The following GTF2B variants were observed in gnomAD, a reference collection of about 807,000 sequenced individuals.
GTF2B encodes the protein transcription initiation factor IIB.
GTF2B carries 20 observed loss-of-function variants against 34.6 expected under a neutral mutation model. The ratio of observed to expected loss-of-function variants is 0.58; its 90% confidence interval spans 0.41 to 0.84. The LOEUF (loss-of-function observed/expected upper bound fraction) is 0.84. Ranked by LOEUF, GTF2B falls within the 40% of genes least tolerant of loss-of-function variation. GTF2B has a pLI of 0.00. For synonymous variants in GTF2B, 142 were observed against 132.4 expected (o/e 1.07, Z -0.50); for missense variants, 237 against 393.3 (o/e 0.60, Z 3.36).
intron 3 of GTF2B, among the ~76,000 whole-genome samples, chr1:88,863,194 T>C (rs552203545): frequency 1.3e-5 from 2 of 152,256 alleles, no homozygotes; most frequent in African/African-American, 4.8e-5. Context: ...TACATTCTCA[T>C]GAAACCCTCA....
At chr1:88,888,387 G>A (rs1674123998) in intron 1 of GTF2B, among the ~76,000 whole-genome samples, 1 of 152,114 alleles carries the variant, frequency 6.6e-6, no homozygotes, top group East Asian at 1.9e-4. Flanking sequence ...AGCTTAACTA[G>A]AATATGTCTT....
chr1:88,872,298 A>T (rs1044430100), intron 2 of GTF2B, among the ~76,000 whole-genome samples: 2 of 151,730 alleles, frequency 1.3e-5, no homozygotes, highest in African/African-American at 2.4e-5. Flanking sequence ...TACTAAAAAT[A>T]CGAAATTAGA....
Position 88,860,170 on chromosome 1 carries a change from T to C in GTF2B, c.375A>G (p.Ala125=). 6.2e-7 allele frequency: 1 copy of C among 1,614,102 alleles called. No homozygotes were observed. Among genetic ancestry groups the C allele is most frequent in the Non-Finnish European group, 8.5e-7 (1 of 1,179,932 alleles). Residue 125 remains alanine (A), a synonymous_variant, in exon 4 of 7, where the codon GCA becomes GCG. Transcript: ENST00000370500. Reference sequence around the variant, plus strand: ...TATTTCGAGGTAGATTGATTCTGTCTGCCATGGTAGTGATTTCTTTGAATG... The same window carrying C: ...TATTTCGAGGTAGATTGATTCTGTCCGCCATGGTAGTGATTTCTTTGAATG... ...MNAFKEITTM[A]DRINLPRNIV...
intron 1 of GTF2B, chr1:88,887,700 C>A: frequency 3.8e-6 from 1 of 263,642 alleles, no homozygotes; most frequent in Non-Finnish European, 7.4e-6. Context: ...ACCGTAATAA[C>A]CTGCAGCATT....
At chr1:88,861,548 C>T (rs747930325) in intron 3 of GTF2B, among the ~76,000 whole-genome samples, 35 of 152,184 alleles carry the variant, frequency 2.3e-4, no homozygotes, top group Middle Eastern at 3.2e-3. Context: ...CCTGCAATCC[C>T]AGCTGCTTGG....
chr1:88,876,011 C>G (rs1673809417), intron 2 of GTF2B, among the ~76,000 whole-genome samples: 1 of 152,166 alleles, frequency 6.6e-6, no homozygotes, highest in Non-Finnish European at 1.5e-5. Flanking sequence ...CAGTCTGCTA[C>G]TCAAGCAGTT....
At chr1:88,875,539 G>T (rs1673797259) in intron 2 of GTF2B, among the ~76,000 whole-genome samples, 1 of 152,102 alleles carries the variant, frequency 6.6e-6, no homozygotes, top group African/African-American at 2.4e-5. Flanking sequence ...CAATAAATTT[G>T]GCCACTCACT....
At chr1:88,856,284 A>AAAAAAAAAAAAAAAAAAAAAG (rs1557652115) in intron 6 of GTF2B, among the ~76,000 whole-genome samples, 2 of 116,880 alleles carry the variant, frequency 1.7e-5, no homozygotes, top group South Asian at 2.3e-4. Context: ...AAAAAAAAAA[A>AAAAAAAAAAAAAAAAAAAAAG]AAAAAACAAA....
chr1:88,856,993 G>C (rs949178731), intron 6 of GTF2B, among the ~76,000 whole-genome samples: 1 of 152,024 alleles, frequency 6.6e-6, no homozygotes, highest in African/African-American at 2.4e-5. Context: ...TAGAGATGGG[G>C]TTTCACCATG....
At chr1:88,863,463 C>T (rs1455846537) in intron 3 of GTF2B, among the ~76,000 whole-genome samples, 1 of 152,080 alleles carries the variant, frequency 6.6e-6, no homozygotes, top group Non-Finnish European at 1.5e-5. Flanking sequence ...TCTGCCTCAG[C>T]CTCGCGAGTA....
chr1:88,879,843 G>A (rs1459383067), intron 2 of GTF2B, among the ~76,000 whole-genome samples: 1 of 151,934 alleles, frequency 6.6e-6, no homozygotes, highest in Non-Finnish European at 1.5e-5. Context: ...ATCACCTGAG[G>A]TCAGGAGTTT....
chr1:88,860,358 A>T, intron 3 of GTF2B, 72 bp from the exon 4 acceptor site: 1 of 1,065,858 alleles, frequency 9.4e-7, no homozygotes, highest in Non-Finnish European at 1.4e-6. Context: ...CTATGAAAAT[A>T]TAGCTTACAA....
intron 2 of GTF2B, among the ~76,000 whole-genome samples, chr1:88,870,126 C>T (rs1190222514): frequency 1.3e-5 from 2 of 151,962 alleles, no homozygotes; most frequent in Non-Finnish European, 2.9e-5. Flanking sequence ...CAGGGTTTCA[C>T]TGTGTTAACC....
chr1:88,866,919 A>T (rs766383771), intron 2 of GTF2B, among the ~76,000 whole-genome samples: 2 of 152,214 alleles, frequency 1.3e-5, no homozygotes, highest in South Asian at 4.1e-4. Context: ...GTGGCCCGAA[A>T]CAAGGAGAAA....
At chr1:88,874,703 T>C (rs1438847076) in intron 2 of GTF2B, among the ~76,000 whole-genome samples, 3 of 152,038 alleles carry the variant, frequency 2.0e-5, no homozygotes, top group African/African-American at 7.2e-5. Context: ...TTCTTTCTGC[T>C]GTCTTCCTGG....
intron 6 of GTF2B, among the ~76,000 whole-genome samples, chr1:88,854,728 T>C (rs1673264058): frequency 6.6e-6 from 1 of 152,210 alleles, no homozygotes; most frequent in Admixed American, 6.5e-5. Flanking sequence ...ACTCCTCACC[T>C]AAGGTGATCC....
At chr1:88,873,796 A>G (rs754516306) in intron 2 of GTF2B, among the ~76,000 whole-genome samples, 1 of 152,198 alleles carries the variant, frequency 6.6e-6, no homozygotes, top group Non-Finnish European at 1.5e-5. Flanking sequence ...AGAGTTGTAC[A>G]CATCTCTTCT....
At chr1:88,876,075 T>TGA (rs1553163303) in intron 2 of GTF2B, among the ~76,000 whole-genome samples, 2 of 152,056 alleles carry the variant, frequency 1.3e-5, no homozygotes, top group Non-Finnish European at 2.9e-5. Flanking sequence ...TTAAAAGCTG[T>TGA]ATTAGGCAAG....
At chr1:88,885,335 G>A (rs190454974) in intron 2 of GTF2B, among the ~76,000 whole-genome samples, 76 of 152,270 alleles carry the variant, frequency 5.0e-4, no homozygotes, top group Non-Finnish European at 4.0e-4. Flanking sequence ...AGCTATTCGG[G>A]AGGCTGAGGC....
Sources: gnomAD v4.1 joint callset for allele counts (sites outside exome capture counted in the v4.1 genomes callset) on GRCh38, gnomAD v4.1.1 for gene constraint, MANE v1.5 for transcripts, NCBI Gene and HGNC (gene_info 2026-07-23, HGNC 2026-07-21) for gene names.